Variants in MYO5B observed in about 807,000 individuals in gnomAD.
The protein encoded by MYO5B is myosin VB.
MYO5B carries 143 observed loss-of-function variants against 229.3 expected under a neutral mutation model. The observed-to-expected ratio is 0.62, with a 90% CI of 0.54 to 0.72. MYO5B has a LOEUF of 0.72. Ranked by LOEUF, MYO5B falls within the 30% of genes least tolerant of loss-of-function variation. The pLI is 0.00. For missense variants in MYO5B, 2,321 were observed against 2,331.0 expected (o/e 1.00, Z 0.09); for synonymous variants, 918 against 885.2 (o/e 1.04, Z -0.66).
chr18:49,990,725 A>G (rs895072632), intron 6 of MYO5B, among the ~76,000 whole-genome samples: 3 of 152,150 alleles, frequency 2.0e-5, no homozygotes, highest in African/African-American at 7.2e-5. Flanking sequence ...CTGAGGATTT[A>G]TATGTCTTGA....
chr18:49,826,173 A>C lies in MYO5B; in HGVS notation c.*298T>G. ...AAACTAGGCAGCTTCGTTTTATAGA[A>C]TTGACACCTTTTATATGTCTATGGG... On this transcript the variant is annotated 3_prime_UTR_variant, in exon 40 of 40. Transcript: ENST00000285039. 1 of 387,562 alleles carries C rather than the reference A, an allele frequency of 2.6e-6. No homozygotes were observed. The highest frequency in any genetic ancestry group is 2.4e-5 in the South Asian group (1 of 41,150). The allele number at this position is 387,562 out of a possible 1,614,324, so 24.0% of individuals were successfully genotyped here. A position where few individuals can be genotyped will look rare whatever the true frequency, so the allele number is the denominator to read the frequency against.
At chr18:49,919,670 A>T (rs531480643) in intron 17 of MYO5B, among the ~76,000 whole-genome samples, 8 of 152,358 alleles carry the variant, frequency 5.3e-5, no homozygotes, top group African/African-American at 1.9e-4. Flanking sequence ...ACAGACAAGA[A>T]CAAATGTTGA....
At chr18:50,008,831 G>A (rs1439578772) in intron 4 of MYO5B, among the ~76,000 whole-genome samples, 1 of 152,126 alleles carries the variant, frequency 6.6e-6, no homozygotes, top group South Asian at 2.1e-4. Flanking sequence ...TCACTAATGG[G>A]ATAATCAGTC....
At chr18:50,153,624 A>T (rs1361781873) in intron 1 of MYO5B, among the ~76,000 whole-genome samples, 1 of 152,060 alleles carries the variant, frequency 6.6e-6, no homozygotes, top group Non-Finnish European at 1.5e-5. Flanking sequence ...TAATTTTTGT[A>T]TTTTTAGTAG....
At position 49,841,467 on chromosome 18, in the gene MYO5B, A is replaced by T. The variant is rs762832462; in HGVS notation, c.4612-13T>A. ...CATCATTGTGCTTCTGTGAAAAGAA[A>T]AGGACATCCTCAGCTCTAAGTGGCT... is the stretch of plus-strand genomic sequence containing the variant. On this transcript the variant is annotated splice_polypyrimidine_tract_variant and intron_variant, in intron 34 of 39. Transcript: ENST00000285039. The T allele has an allele frequency of 1.2e-6, 2 of 1,612,236 alleles. No individual in the cohort carries two copies. Among genetic ancestry groups the T allele is most frequent in the East Asian group, 2.2e-5 (1 of 44,868 alleles).
intron 5 of MYO5B, among the ~76,000 whole-genome samples, chr18:50,000,942 G>A (rs969633084): frequency 2.0e-5 from 3 of 152,156 alleles, no homozygotes; most frequent in Non-Finnish European, 2.9e-5. Context: ...TTTCTGACAC[G>A]TGATGTCAGC....
At chr18:49,968,786 TTTTAATA>T (rs1325925491) in intron 10 of MYO5B, among the ~76,000 whole-genome samples, 3 of 152,220 alleles carry the variant, frequency 2.0e-5, no homozygotes, top group Non-Finnish European at 4.4e-5. Flanking sequence ...CTTTTTTAGC[TTTTAATA>T]TTTAACTTAA....
intron 1 of MYO5B, among the ~76,000 whole-genome samples, chr18:50,068,150 C>T (rs187342235): frequency 2.6e-5 from 4 of 152,256 alleles, no homozygotes; most frequent in Admixed American, 6.5e-5. Flanking sequence ...CAATAAAATT[C>T]TCACTTTCTT....
intron 10 of MYO5B, 33 bp downstream of exon 10, chr18:49,974,317 T>C: frequency 6.2e-7 from 1 of 1,614,058 alleles, no homozygotes; most frequent in Non-Finnish European, 8.5e-7. Context: ...CACTCCCAGG[T>C]AGCAGATAGA....
chr18:50,039,799 G>C (rs891155655), intron 3 of MYO5B, among the ~76,000 whole-genome samples: 1 of 152,026 alleles, frequency 6.6e-6, no homozygotes, highest in Non-Finnish European at 1.5e-5. Context: ...ATAAAACAAG[G>C]CAAAACAAAA....
At position 49,910,139 on chromosome 18, in the gene MYO5B, A is replaced by G. The variant is rs74548434; in HGVS notation, c.2202+1923T>C. The stretch of plus-strand genomic sequence containing the variant: ...CAGGCTCCCCGTCAGTGAAGAGAAG[A>G]GGCAGCTGTGCCAGGAAAGGCCCAG... On this transcript the variant is annotated intron_variant, in intron 18 of 39. Coordinates refer to ENST00000285039, the MANE Select transcript of MYO5B (RefSeq NM_001080467.3). Among the ~76,000 whole-genome samples, 564 of 152,326 alleles carry G rather than the reference A, an allele frequency of 3.7e-3. 4 individuals are homozygous for G. Among genetic ancestry groups the G allele is most frequent in the African/African-American group, 0.012 (483 of 41,570 alleles).
intron 4 of MYO5B, among the ~76,000 whole-genome samples, chr18:50,035,361 A>G (rs1251329777): frequency 6.6e-6 from 1 of 152,226 alleles, no homozygotes; most frequent in Non-Finnish European, 1.5e-5. Context: ...CATGGTAAGA[A>G]CCAAGCCACA....
At chr18:50,159,069 G>A (rs183569864) in intron 1 of MYO5B, among the ~76,000 whole-genome samples, 1 of 152,100 alleles carries the variant, frequency 6.6e-6, no homozygotes, top group Non-Finnish European at 1.5e-5. Context: ...GTTTAAACTC[G>A]TTATCCTGGG....
At position 49,834,153 on chromosome 18, in the gene MYO5B, G is replaced by A. The variant is rs631295; in HGVS notation, c.5394+1191C>T. On this transcript the variant is annotated intron_variant, in intron 39 of 39. Coordinates refer to ENST00000285039, the MANE Select transcript of MYO5B (RefSeq NM_001080467.3). ...ATCTCTGGATCTACATTGAAACACT[G>A]TAAGGAGCTCCAAATAAAATCCCAG... 3.8e-3 allele frequency among the ~76,000 whole-genome samples: 584 copies of A among 152,096 alleles called. 4 individuals carry two copies. The highest frequency in any genetic ancestry group is 0.014 in the African/African-American group (569 of 41,448).
rs571346889 is a variant in MYO5B, at chr18:50,125,300, C to T, written c.27+69467G>A. 2.0e-5 allele frequency among the ~76,000 whole-genome samples: 3 copies of T among 147,618 alleles called. No homozygotes were observed. The South Asian group carries it at 6.4e-4, about 31-fold the overall frequency. ...GAAAACCAAACACCGCATGTTCTCA[C>T]TCATGGTGGGAATTGAACAATGAGA... On this transcript the variant is annotated intron_variant, in intron 1 of 39. Transcript: ENST00000285039.
At chr18:50,136,984 C>G (rs1472760572) in intron 1 of MYO5B, among the ~76,000 whole-genome samples, 1 of 152,096 alleles carries the variant, frequency 6.6e-6, no homozygotes, top group Non-Finnish European at 1.5e-5. Context: ...TTTATCTGCC[C>G]GAGTAGATTA....
In MYO5B at chr18:49,837,667, G is replaced by T; in HGVS notation, c.4988C>A (p.Ala1663Asp). The change falls in exon 37 of 40, where the codon GCC becomes GAC. Residue 1663 changes from alanine (A) to aspartate (D), a missense_variant. Transcript: ENST00000285039. ...CTGGTCACACATGACTGTATGAAAGGCATTCATCTGGCGGATGATAGCTTC... is the reference window on the plus strand; with the variant it reads ...CTGGTCACACATGACTGTATGAAAGTCATTCATCTGGCGGATGATAGCTTC... ...CLEAIIRQMN[A>D]FHTVMCDQGL... 1 of 1,614,050 alleles carries T rather than the reference G, an allele frequency of 6.2e-7. No homozygotes were observed. The highest frequency in any genetic ancestry group is 1.1e-5 in the South Asian group (1 of 91,074).
chr18:49,832,724 G>T (rs1280983184), intron 39 of MYO5B, among the ~76,000 whole-genome samples: 1 of 152,148 alleles, frequency 6.6e-6, no homozygotes, highest in Admixed American at 6.5e-5. Flanking sequence ...TTGGCATCTT[G>T]AAAGATGGGC....
At chr18:49,831,843 A>C (rs2023926927) in intron 39 of MYO5B, among the ~76,000 whole-genome samples, 1 of 152,232 alleles carries the variant, frequency 6.6e-6, no homozygotes, top group African/African-American at 2.4e-5. Context: ...CAAAAGGTAG[A>C]AACAGTGCAG....
Sources: gnomAD v4.1 joint callset for allele counts (sites outside exome capture counted in the v4.1 genomes callset) on GRCh38, gnomAD v4.1.1 for gene constraint, MANE v1.5 for transcripts, NCBI Gene and HGNC (gene_info 2026-07-23, HGNC 2026-07-21) for gene names.